The following NEGR1 variants were observed in gnomAD, a reference collection of about 807,000 sequenced individuals.
NEGR1 encodes the protein neuronal growth regulator 1, also known as IgLON family member 4.
In NEGR1, 10 loss-of-function variants were observed where a neutral mutation model predicts 40.9. The observed-to-expected ratio is 0.24, with a 90% CI of 0.15 to 0.42. The LOEUF is 0.42. NEGR1 is among the 10% of genes least tolerant of loss of function. The pLI is 1.00. For synonymous variants in NEGR1, 185 were observed against 166.8 expected (o/e 1.11, Z -0.84); for missense variants, 352 against 438.9 (o/e 0.80, Z 1.77).
intron 1 of NEGR1, among the ~76,000 whole-genome samples, chr1:71,991,698 A>T (rs1195654201): frequency 6.6e-6 from 1 of 152,196 alleles, no homozygotes; most frequent in Non-Finnish European, 1.5e-5. Flanking sequence ...AGATCAACAA[A>T]CAAGTATTAC....
Position 71,966,539 on chromosome 1 carries a change from T to C in NEGR1, c.177-31228A>G, listed in dbSNP as rs190715269. Among the ~76,000 whole-genome samples the C allele has an allele frequency of 1.2e-4, 18 of 152,238 alleles. No homozygotes were observed. In the East Asian group the frequency reaches 3.5e-3, roughly 29 times the overall value. Reference sequence around the variant, plus strand: ...CTCTGCAAAGCTCCTCAAAAGCAGGTTTCAAAATGTGAGTCTTATGCTTGG... The same window carrying C: ...CTCTGCAAAGCTCCTCAAAAGCAGGCTTCAAAATGTGAGTCTTATGCTTGG... On this transcript the variant is annotated intron_variant, in intron 1 of 6. Coordinates refer to ENST00000357731, the MANE Select transcript of NEGR1 (RefSeq NM_173808.3).
At chr1:72,217,896 T>C (rs1653876973) in intron 1 of NEGR1, among the ~76,000 whole-genome samples, 3 of 151,846 alleles carry the variant, frequency 2.0e-5, no homozygotes, top group African/African-American at 7.2e-5. Flanking sequence ...CAGTTTAGTC[T>C]TCTATATCTC....
At chr1:71,649,506 G>A (rs959480675) in intron 4 of NEGR1, among the ~76,000 whole-genome samples, 11 of 152,038 alleles carry the variant, frequency 7.2e-5, no homozygotes, top group African/African-American at 2.7e-4. Context: ...TTTAGCTATT[G>A]AAAATCATGG....
chr1:71,459,779 G>A (rs1188316810), intron 6 of NEGR1, among the ~76,000 whole-genome samples: 1 of 152,090 alleles, frequency 6.6e-6, no homozygotes, highest in Non-Finnish European at 1.5e-5. Flanking sequence ...TTATGCATGA[G>A]GCCATGCCTA....
chr1:72,230,301 A>C (rs189902378), intron 1 of NEGR1, among the ~76,000 whole-genome samples: 17 of 152,288 alleles, frequency 1.1e-4, no homozygotes, highest in Admixed American at 1.0e-3. Context: ...GGTCTAATAT[A>C]ATAATTGATT....
At chr1:71,683,015 T>A (rs1053753846) in intron 4 of NEGR1, among the ~76,000 whole-genome samples, 2 of 232 alleles carry the variant, frequency 8.6e-3, no homozygotes, top group African/African-American at 0.013. Context: ...CAAATAAACT[T>A]TTTTTCTTTC....
At chr1:71,576,935 G>A (rs1648982922) in intron 6 of NEGR1, among the ~76,000 whole-genome samples, 1 of 152,178 alleles carries the variant, frequency 6.6e-6, no homozygotes, top group Non-Finnish European at 1.5e-5. Flanking sequence ...AAGGGGCTAT[G>A]TCCTTGATAC....
chr1:71,847,483 T>G (rs1322594506), intron 2 of NEGR1, among the ~76,000 whole-genome samples: 1 of 152,198 alleles, frequency 6.6e-6, no homozygotes, highest in African/African-American at 2.4e-5. Flanking sequence ...TTTAAGCATT[T>G]TCATAATTAT....
chr1:72,267,557 T>A (rs1212402583), intron 1 of NEGR1, among the ~76,000 whole-genome samples: 1 of 151,214 alleles, frequency 6.6e-6, no homozygotes, highest in African/African-American at 2.4e-5. Context: ...ACAAGAATAT[T>A]CAGAAAATCA....
chr1:71,410,164 G>T (rs1188428712), intron 6 of NEGR1, among the ~76,000 whole-genome samples: 5 of 151,988 alleles, frequency 3.3e-5, no homozygotes, highest in African/African-American at 4.8e-5. Context: ...TTTGTTGCTT[G>T]TGAATATAAT....
chr1:72,138,176 C>T (rs1570025858), intron 1 of NEGR1, among the ~76,000 whole-genome samples: 1 of 151,552 alleles, frequency 6.6e-6, no homozygotes, highest in Non-Finnish European at 1.5e-5. Context: ...TTTTCTTATA[C>T]ATATGTTATG....
intron 2 of NEGR1, among the ~76,000 whole-genome samples, chr1:71,869,358 A>G (rs1264571660): frequency 6.6e-6 from 1 of 152,194 alleles, no homozygotes; most frequent in African/African-American, 2.4e-5. Context: ...CTATACTATG[A>G]TGAAAAAATA....
chr1:71,871,810 CT>C (rs1387717706), intron 2 of NEGR1, among the ~76,000 whole-genome samples: 1 of 152,038 alleles, frequency 6.6e-6, no homozygotes, highest in Non-Finnish European at 1.5e-5. Flanking sequence ...ACCTAGGGTC[CT>C]TTTTTCTATC....
chr1:71,836,208 T>G (rs968525179), intron 2 of NEGR1, among the ~76,000 whole-genome samples: 3 of 151,834 alleles, frequency 2.0e-5, no homozygotes, highest in African/African-American at 7.3e-5. Context: ...TGAGAGGCAT[T>G]TGGGAGGCTG....
At chr1:72,046,509 C>A (rs1340230616) in intron 1 of NEGR1, among the ~76,000 whole-genome samples, 1 of 151,410 alleles carries the variant, frequency 6.6e-6, no homozygotes, top group Non-Finnish European at 1.5e-5. Context: ...ATGATTATAG[C>A]CAGATAAATG....
intron 1 of NEGR1, among the ~76,000 whole-genome samples, chr1:71,983,867 A>G (rs1190075172): frequency 1.3e-5 from 2 of 152,144 alleles, no homozygotes; most frequent in African/African-American, 2.4e-5. Context: ...AACTTGAAAA[A>G]CTACTCAACA....
intron 1 of NEGR1, among the ~76,000 whole-genome samples, chr1:72,080,428 T>A (rs771353184): frequency 2.0e-5 from 3 of 152,062 alleles, no homozygotes; most frequent in Admixed American, 6.6e-5. Context: ...TATTAATTTA[T>A]GCATTCAAAA....
At position 71,545,805 on chromosome 1, in the gene NEGR1, T is replaced by C. The variant is rs1283313815; in HGVS notation, c.940+47012A>G. Reference sequence around the variant, plus strand: ...GCCCATTGAAGCAGAACTCTAGCGTTGGTGAGGATGGAATTTCTCTCTAAC... The same window carrying C: ...GCCCATTGAAGCAGAACTCTAGCGTCGGTGAGGATGGAATTTCTCTCTAAC... On this transcript the variant is annotated intron_variant, in intron 6 of 6. Transcript: ENST00000357731. Among the ~76,000 whole-genome samples, 5 of 151,692 alleles carry C rather than the reference T, an allele frequency of 3.3e-5. No individual in the cohort carries two copies. In the East Asian group the frequency reaches 9.8e-4, roughly 30 times the overall value.
At chr1:71,925,946 G>GTTTT (rs147663609) in intron 2 of NEGR1, among the ~76,000 whole-genome samples, 2 of 151,676 alleles carry the variant, frequency 1.3e-5, no homozygotes, top group African/African-American at 4.8e-5. Context: ...TATTTTCTTT[G>GTTTT]TTTTTTTTAA....
Sources: gnomAD v4.1 joint callset for allele counts (sites outside exome capture counted in the v4.1 genomes callset) on GRCh38, gnomAD v4.1.1 for gene constraint, MANE v1.5 for transcripts, NCBI Gene and HGNC (gene_info 2026-07-23, HGNC 2026-07-21) for gene names.